PITPNC1: variants seen among roughly 807,000 people sequenced by gnomAD.
PITPNC1 encodes the protein phosphatidylinositol transfer protein cytoplasmic 1.
Under a neutral mutation model 44.7 loss-of-function variants are expected in PITPNC1, and 18 were observed. The ratio of observed to expected loss-of-function variants is 0.40; its 90% CI spans 0.28 to 0.60. The LOEUF is 0.60. Among genes scored for constraint, PITPNC1 ranks in the 20% least tolerant of loss-of-function variants. The pLI is 0.39. For missense variants in PITPNC1, 290 were observed against 418.4 expected, an observed-to-expected ratio of 0.69 and a Z score of 2.68; for synonymous variants, 141 against 149.6, an observed-to-expected ratio of 0.94 and a Z score of 0.42.
At chr17:67,624,927 A>C (rs2041878133) in intron 5 of PITPNC1, among the ~76,000 whole-genome samples, 1 of 152,236 alleles carries the variant, frequency 6.6e-6, no homozygotes, top group South Asian at 2.1e-4. Context: ...TTAATACTTT[A>C]CAAAAAAGAG....
chr17:67,380,003 C>T lies in PITPNC1; in HGVS notation c.48+1801C>T, dbSNP rs549459435. ...TGTACCGAAATACCCACAGGTATACCGTGGGGTAATTACATTTGAATGATA... is the reference window on the plus strand; with the variant it reads ...TGTACCGAAATACCCACAGGTATACTGTGGGGTAATTACATTTGAATGATA... On this transcript the variant is annotated intron_variant, in intron 1 of 8. Coordinates refer to ENST00000581322, the MANE Select transcript of PITPNC1 (RefSeq NM_012417.4). 8.7e-4 allele frequency among the ~76,000 whole-genome samples: 133 copies of T among 152,052 alleles called. 3 individuals are homozygous for T. The South Asian group carries it at 0.018, about 21-fold the overall frequency.
At chr17:67,665,805 C>T (rs1414750717) in intron 6 of PITPNC1, among the ~76,000 whole-genome samples, 2 of 151,874 alleles carry the variant, frequency 1.3e-5, no homozygotes, top group Non-Finnish European at 2.9e-5. Context: ...CATTCTGAGC[C>T]ACCCAGGAAA....
intron 6 of PITPNC1, among the ~76,000 whole-genome samples, chr17:67,654,138 A>G (rs537691443): frequency 6.6e-6 from 1 of 152,306 alleles, no homozygotes; most frequent in Admixed American, 6.5e-5. Context: ...CATAAGAGAA[A>G]GGGGGAAAGA....
At chr17:67,460,740 C>CTTT (rs138545288) in intron 1 of PITPNC1, among the ~76,000 whole-genome samples, 12 of 121,540 alleles carry the variant, frequency 9.9e-5, no homozygotes, top group South Asian at 2.9e-4. Context: ...TTCTTTCTTT[C>CTTT]TTTTTTTTTT....
intron 7 of PITPNC1, among the ~76,000 whole-genome samples, chr17:67,671,138 G>A (rs769196885): frequency 7.9e-5 from 12 of 152,016 alleles, no homozygotes; most frequent in Non-Finnish European, 1.5e-4. Flanking sequence ...TATCTGCCTC[G>A]GCCTCCCAAA....
chr17:67,585,166 G>C (rs146230771), intron 5 of PITPNC1, among the ~76,000 whole-genome samples: 1 of 151,278 alleles, frequency 6.6e-6, no homozygotes, highest in East Asian at 1.9e-4. Flanking sequence ...ATTAATCATG[G>C]AGTAGGGGAA....
chr17:67,532,713 T>G, intron 1 of PITPNC1, 89 bp from the exon 2 acceptor site: 5 of 1,028,534 alleles, frequency 4.9e-6, no homozygotes, highest in Non-Finnish European at 7.1e-6. Context: ...GGTGCTGATG[T>G]TATTAGTGGC....
chr17:67,443,860 C>A (rs9910431), intron 1 of PITPNC1, among the ~76,000 whole-genome samples: 30,895 of 151,796 alleles, frequency 0.2, 3,484 homozygotes, highest in East Asian at 0.34. Flanking sequence ...GTCTCGAACT[C>A]CTGACCTCAG....
intron 8 of PITPNC1, among the ~76,000 whole-genome samples, chr17:67,678,190 T>C (rs889199432): frequency 2.0e-5 from 3 of 148,330 alleles, no homozygotes; most frequent in African/African-American, 7.5e-5. Context: ...CACTCTAGCC[T>C]GGGTGACCGA....
At chr17:67,608,926 T>G (rs900699868) in intron 5 of PITPNC1, among the ~76,000 whole-genome samples, 43 of 152,302 alleles carry the variant, frequency 2.8e-4, no homozygotes, top group African/African-American at 1.0e-3. Context: ...CTGTGCATCT[T>G]TGGCAGGAAT....
rs372421562 is a variant in PITPNC1 at position 67,632,148 on chromosome 17, C to T, written c.372C>T (p.Phe124=). The part of the protein sequence containing the change: ...EDNKGSNDTI[F]DNEAKDVERE... The stretch of plus-strand genomic sequence containing the variant: ...ATGTTGCTCTGCTTTTTCAGATTTT[C>T]GACAATGAAGCCAAAGACGTGGAGA... The change falls in exon 6 of 9, where the codon TTC becomes TTT. Residue 124 remains phenylalanine (F), a synonymous_variant. Transcript: ENST00000581322. The T allele has an allele frequency of 4.4e-6, 7 of 1,606,924 alleles. No individual in the cohort carries two copies. Among genetic ancestry groups the T allele is most frequent in the East Asian group, 4.5e-5 (2 of 44,840 alleles).
intron 6 of PITPNC1, among the ~76,000 whole-genome samples, chr17:67,643,061 G>A (rs180828767): frequency 1.7e-3 from 265 of 152,336 alleles, no homozygotes; most frequent in African/African-American, 6.2e-3. Context: ...TCTGCCAGGA[G>A]TGCAGTTGCT....
chr17:67,614,663 C>T (rs1011884740), intron 5 of PITPNC1, among the ~76,000 whole-genome samples: 2 of 147,194 alleles, frequency 1.4e-5, no homozygotes, highest in Non-Finnish European at 3.0e-5. Context: ...CAGAGTGAGA[C>T]TCCGTCTCAA....
chr17:67,378,668 G>C (rs896111981), intron 1 of PITPNC1, among the ~76,000 whole-genome samples: 5 of 152,130 alleles, frequency 3.3e-5, no homozygotes, highest in Non-Finnish European at 5.9e-5. Context: ...CCCGAGCCCC[G>C]CGGGAGGAAC....
intron 5 of PITPNC1, among the ~76,000 whole-genome samples, chr17:67,628,967 C>T (rs936225855): frequency 1.3e-5 from 2 of 152,116 alleles, no homozygotes; most frequent in African/African-American, 4.8e-5. Flanking sequence ...AGGAGAAATG[C>T]TTACAGGGTC....
chr17:67,661,934 G>T lies in PITPNC1; in HGVS notation c.463-7574G>T, dbSNP rs558805857. Among the ~76,000 whole-genome samples the T allele has an allele frequency of 2.1e-4, 32 of 152,052 alleles. No individual in the cohort carries two copies. The East Asian group carries it at 5.4e-3, about 26-fold the overall frequency. ...CGCTTGAACCCGGGAGGTGGAGGTT[G>T]CAGTGAGCCAAGATCACGCCACTGC... On this transcript the variant is annotated intron_variant, in intron 6 of 8. Coordinates refer to ENST00000581322, the MANE Select transcript of PITPNC1 (RefSeq NM_012417.4).
At chr17:67,379,003 C>T (rs1475964697) in intron 1 of PITPNC1, 6 of 985,318 alleles carry the variant, frequency 6.1e-6, no homozygotes, top group East Asian at 1.1e-4. Flanking sequence ...TCTCCCGATC[C>T]TGCGAAGCCG....
intron 1 of PITPNC1, among the ~76,000 whole-genome samples, chr17:67,476,259 C>T (rs1037151552): frequency 6.8e-6 from 1 of 147,268 alleles, no homozygotes; most frequent in Non-Finnish European, 1.5e-5. Context: ...GATCTTGGGT[C>T]ACTGCAGCCT....
intron 8 of PITPNC1, among the ~76,000 whole-genome samples, chr17:67,685,869 C>T (rs1245269102): frequency 1.3e-5 from 2 of 151,980 alleles, no homozygotes; most frequent in Admixed American, 1.3e-4. Flanking sequence ...CTCACTCTGT[C>T]GCCCAGGCTG....
Sources: allele counts gnomAD v4.1 joint callset (sites outside exome capture counted in the v4.1 genomes callset), GRCh38; gene constraint gnomAD v4.1.1; transcripts MANE v1.5; gene names NCBI Gene and HGNC (gene_info 2026-07-23, HGNC 2026-07-21).